OPRM1: variants seen among roughly 807,000 people sequenced by gnomAD.
OPRM1 encodes the protein opioid receptor mu 1, also known as mu-type opioid receptor.
In OPRM1, 27 loss-of-function variants were observed where a neutral mutation model predicts 31.8. The ratio of observed to expected loss-of-function variants is 0.85; its 90% CI spans 0.63 to 1.17. The LOEUF is 1.17. OPRM1 is among the 50% of genes most tolerant of loss of function. The pLI, the probability that OPRM1 is intolerant of heterozygous loss-of-function variation, is 0.00. For synonymous variants in OPRM1, 196 were observed against 189.9 expected, an observed-to-expected ratio of 1.03 and a Z score of -0.26; for missense variants, 536 against 511.1, an observed-to-expected ratio of 1.05 and a Z score of -0.47.
chr6:154,054,390 A>AT, intron 1 of OPRM1, among the ~76,000 whole-genome samples: 1 of 138,230 alleles, frequency 7.2e-6, no homozygotes, highest in East Asian at 2.0e-4. Flanking sequence ...AAAAAAAAAA[A>AT]GGAAACCCGC....
At chr6:154,107,782 C>A (rs1795818353) in intron 3 of OPRM1, 1 of 718,412 alleles carries the variant, frequency 1.4e-6, no homozygotes, top group East Asian at 2.7e-5. Flanking sequence ...GACCAACTTG[C>A]CGGGTCGTCT....
chr6:154,176,947 GAC>G (rs2128562539), intron 3 of OPRM1, among the ~76,000 whole-genome samples: 1 of 152,150 alleles, frequency 6.6e-6, no homozygotes, highest in East Asian at 1.9e-4. Flanking sequence ...CAGAGATATA[GAC>G]CAATGGAACA....
rs79335447 is a variant in OPRM1 at position 154,116,704 on chromosome 6, A to G, written c.1165-1979A>G. On this transcript the variant is annotated intron_variant, in intron 3 of 3. Transcript: ENST00000330432. ...TATTGTGGGACATGATTCTATCTCA[A>G]TGACATAATTTGCACAGTGTTTTAA... 4.7e-3 allele frequency among the ~76,000 whole-genome samples: 719 copies of G among 152,256 alleles called. 4 individuals carry two copies. Among genetic ancestry groups the G allele is most frequent in the African/African-American group, 0.016 (649 of 41,556 alleles).
intron 1 of OPRM1, among the ~76,000 whole-genome samples, chr6:154,024,762 A>C (rs1439013958): frequency 6.7e-6 from 1 of 149,526 alleles, no homozygotes; most frequent in Non-Finnish European, 1.5e-5. Context: ...TGTTTCAAGA[A>C]TTTTTTTCAA....
At chr6:154,035,975 G>A (rs1336905438), upstream of OPRM1, among the ~76,000 whole-genome samples, 2 of 152,054 alleles carry the variant, frequency 1.3e-5, no homozygotes, top group African/African-American at 4.8e-5. Flanking sequence ...GATCAATACT[G>A]TATGAAATAA....
chr6:154,042,160 G>A (rs148553627), intron 1 of OPRM1, among the ~76,000 whole-genome samples: 10 of 152,258 alleles, frequency 6.6e-5, no homozygotes, highest in South Asian at 2.1e-4. Context: ...GGTTTTAATC[G>A]CAGGGTTAGG....
At chr6:154,133,791 C>T (rs546576388), downstream of OPRM1, among the ~76,000 whole-genome samples, 2 of 152,344 alleles carry the variant, frequency 1.3e-5, no homozygotes, top group Non-Finnish European at 2.9e-5. Context: ...TCTTGATTAT[C>T]TAGCAGCGTA....
At chr6:154,161,310 A>G (rs1327998453) in intron 3 of OPRM1, among the ~76,000 whole-genome samples, 17 of 151,038 alleles carry the variant, frequency 1.1e-4, no homozygotes, top group Non-Finnish European at 2.5e-4. Flanking sequence ...TCCCAGGTTC[A>G]AGCGATTCTC....
At chr6:154,145,203 T>G (rs1270787521) in intron 3 of OPRM1, among the ~76,000 whole-genome samples, 2 of 152,050 alleles carry the variant, frequency 1.3e-5, no homozygotes, top group African/African-American at 2.4e-5. Flanking sequence ...CCAACAAACT[T>G]CTGTTGGCAG....
chr6:154,038,834 C>A (rs565571839), upstream of OPRM1, among the ~76,000 whole-genome samples: 1 of 152,278 alleles, frequency 6.6e-6, no homozygotes, highest in African/African-American at 2.4e-5. Context: ...TAAAGGATCG[C>A]TGTTGTTCCC....
At chr6:154,071,688 C>G (rs1439945107) in intron 1 of OPRM1, among the ~76,000 whole-genome samples, 1 of 152,052 alleles carries the variant, frequency 6.6e-6, no homozygotes, top group East Asian at 1.9e-4. Flanking sequence ...TGTCCTAAAG[C>G]AAGAGAAATC....
intron 3 of OPRM1, among the ~76,000 whole-genome samples, chr6:154,245,162 T>C (rs998088250): frequency 9.2e-5 from 14 of 152,018 alleles, no homozygotes; most frequent in African/African-American, 3.4e-4. Flanking sequence ...AGATGAAGAA[T>C]GTATTCAGGA....
intron 3 of OPRM1, among the ~76,000 whole-genome samples, chr6:154,210,981 G>A (rs1777911954): frequency 6.6e-6 from 1 of 152,142 alleles, no homozygotes; most frequent in South Asian, 2.1e-4. Flanking sequence ...CCAGGAACTT[G>A]CAAAACACAA....
At chr6:154,046,805 T>C (rs2128408393) in intron 1 of OPRM1, 1 of 152,300 alleles carries the variant, frequency 6.6e-6, no homozygotes, top group Non-Finnish European at 1.5e-5. Context: ...ACTCTCCTTA[T>C]CTGTAAAAAG....
intron 1 of OPRM1, among the ~76,000 whole-genome samples, chr6:154,042,354 CTAAAATGCTGGA>C (rs1296182911): frequency 1.8e-4 from 27 of 152,236 alleles, no homozygotes; most frequent in African/African-American, 6.5e-4. Flanking sequence ...ATTGTCCTTG[CTAAAATGCTGGA>C]TATAATGTTG....
In OPRM1 at chr6:154,065,481, C is replaced by A. The variant is rs565984094; in HGVS notation, c.291-24345C>A. Among the ~76,000 whole-genome samples, 24 of 152,230 alleles carry A rather than the reference C, an allele frequency of 1.6e-4. 1 individual carries two copies. Among genetic ancestry groups the A allele is most frequent in the Admixed American group, 1.2e-3 (18 of 15,290 alleles). On this transcript the variant is annotated intron_variant, in intron 1 of 3. Coordinates refer to ENST00000330432, the MANE Select transcript of OPRM1 (RefSeq NM_000914.5). ...TTGTAGATTTTGTACACATCTTTCACCTCCTTGGTTAATACCTAAGTGTTT... is the reference window on the plus strand; with the variant it reads ...TTGTAGATTTTGTACACATCTTTCAACTCCTTGGTTAATACCTAAGTGTTT...
At chr6:154,207,709 G>T (rs1370580375) in intron 3 of OPRM1, among the ~76,000 whole-genome samples, 1 of 152,088 alleles carries the variant, frequency 6.6e-6, no homozygotes, top group African/African-American at 2.4e-5. Flanking sequence ...GCCACAGTTT[G>T]CAGGATTTAT....
At chr6:154,196,278 C>T (rs990846483) in intron 3 of OPRM1, among the ~76,000 whole-genome samples, 50 of 152,184 alleles carry the variant, frequency 3.3e-4, no homozygotes, top group Non-Finnish European at 2.4e-4. Context: ...CTCAAAGTAG[C>T]TAGCTAAAGT....
intron 3 of OPRM1, among the ~76,000 whole-genome samples, chr6:154,175,167 A>G (rs1450580168): frequency 6.6e-6 from 1 of 152,236 alleles, no homozygotes; most frequent in Non-Finnish European, 1.5e-5. Context: ...GGACACATTT[A>G]AAGCAGTGTT....
Sources: gnomAD v4.1 joint callset for allele counts (sites outside exome capture counted in the v4.1 genomes callset) on GRCh38, gnomAD v4.1.1 for gene constraint, MANE v1.5 for transcripts, NCBI Gene and HGNC (gene_info 2026-07-23, HGNC 2026-07-21) for gene names.